The following ASIC2 variants were observed in gnomAD, a reference collection of about 807,000 sequenced individuals.
ASIC2 encodes acid sensing ion channel subunit 2, also known as acid-sensing ion channel 2.
In ASIC2, 25 loss-of-function variants were observed where a neutral mutation model predicts 57.3. That is an observed-to-expected ratio of 0.44 (90% CI 0.32 to 0.61). The LOEUF is 0.61. Among genes scored for constraint, ASIC2 ranks in the 20% least tolerant of loss-of-function variants. The pLI is 0.06. For synonymous variants in ASIC2, 319 were observed against 307.5 expected, an observed-to-expected ratio of 1.04 and a Z score of -0.39; for missense variants, 641 against 738.1, an observed-to-expected ratio of 0.87 and a Z score of 1.52.
intron 1 of ASIC2, among the ~76,000 whole-genome samples, chr17:33,481,530 G>T (rs928741575): frequency 3.4e-5 from 5 of 148,506 alleles, no homozygotes; most frequent in African/African-American, 1.2e-4. Flanking sequence ...ACAAGAAAGA[G>T]TCCACAAATC....
At chr17:33,360,008 G>T (rs1482384764) in intron 1 of ASIC2, among the ~76,000 whole-genome samples, 1 of 152,096 alleles carries the variant, frequency 6.6e-6, no homozygotes, top group African/African-American at 2.4e-5. Context: ...ACATAAAGCT[G>T]AACTTACTCC....
chr17:34,067,913 T>C (rs1419602675), intron 1 of ASIC2, among the ~76,000 whole-genome samples: 1 of 152,242 alleles, frequency 6.6e-6, no homozygotes, highest in Admixed American at 6.5e-5. Context: ...AATGAAATTA[T>C]CTTCAAGGAT....
At chr17:33,151,183 A>ACACG (rs1444625759) in intron 1 of ASIC2, among the ~76,000 whole-genome samples, 3 of 29,912 alleles carry the variant, frequency 1.0e-4, no homozygotes, top group African/African-American at 6.0e-4. Flanking sequence ...ACACACACGC[A>ACACG]CACACACACA....
At chr17:33,064,211 G>A (rs528799650) in intron 3 of ASIC2, among the ~76,000 whole-genome samples, 6 of 152,166 alleles carry the variant, frequency 3.9e-5, no homozygotes, top group South Asian at 2.1e-4. Context: ...GAGGAGCTGC[G>A]TTCCTTTGGA....
intron 1 of ASIC2, among the ~76,000 whole-genome samples, chr17:33,436,856 T>C (rs9893287): frequency 0.02 from 812 of 40,648 alleles, 12 homozygotes; most frequent in South Asian, 0.036. Context: ...CCAACTTCTT[T>C]TTTTTTTTTT....
intron 1 of ASIC2, among the ~76,000 whole-genome samples, chr17:33,806,924 A>G (rs1165864623): frequency 6.6e-6 from 1 of 152,226 alleles, no homozygotes; most frequent in African/African-American, 2.4e-5. Flanking sequence ...TGTCACCACC[A>G]TGATAAACAT....
At chr17:34,103,186 C>A (rs907560238) in intron 1 of ASIC2, among the ~76,000 whole-genome samples, 6 of 152,190 alleles carry the variant, frequency 3.9e-5, no homozygotes, top group Admixed American at 1.3e-4. Context: ...CATTTAGTCA[C>A]CCAGGTTGAA....
chr17:33,043,127 G>C (rs774494146), intron 3 of ASIC2, among the ~76,000 whole-genome samples: 1 of 152,074 alleles, frequency 6.6e-6, no homozygotes. Context: ...GGGTTTCACC[G>C]TGTTAGCCAG....
chr17:33,994,423 G>A (rs192410119), intron 1 of ASIC2, among the ~76,000 whole-genome samples: 5 of 152,238 alleles, frequency 3.3e-5, no homozygotes, highest in East Asian at 1.9e-4. Context: ...GTCACAGCAC[G>A]CTGTAGGGCC....
rs186214611 is a variant in ASIC2 at position 33,348,005 on chromosome 17, G to A, written c.556-235938C>T. Among the ~76,000 whole-genome samples, 277 of 152,292 alleles carry A rather than the reference G, an allele frequency of 1.8e-3. 9 individuals carry two copies. The highest frequency in any genetic ancestry group is 0.018 in the Admixed American group (275 of 15,290). On this transcript the variant is annotated intron_variant, in intron 1 of 9. Transcript: ENST00000359872. ...TAGTCCCAGCTACTTGGGAGGCTGA[G>A]GTAGAAGAATCGCTTGAACCCAGGA...
At chr17:33,056,589 G>A (rs2091999031) in intron 3 of ASIC2, among the ~76,000 whole-genome samples, 1 of 152,164 alleles carries the variant, frequency 6.6e-6, no homozygotes, top group Non-Finnish European at 1.5e-5. Flanking sequence ...GTAATGTGCT[G>A]GGTGTTCAGG....
chr17:33,273,548 G>A (rs1904588465), intron 1 of ASIC2, among the ~76,000 whole-genome samples: 1 of 152,150 alleles, frequency 6.6e-6, no homozygotes, highest in Non-Finnish European at 1.5e-5. Flanking sequence ...AACCACTGAA[G>A]GGGGTGGAGG....
At chr17:33,122,267 G>A (rs554050648) in intron 1 of ASIC2, among the ~76,000 whole-genome samples, 7 of 152,252 alleles carry the variant, frequency 4.6e-5, no homozygotes, top group South Asian at 2.1e-4. Context: ...GGGTGCTCAC[G>A]GTACAGCAGC....
chr17:33,892,703 A>C (rs941793980), intron 1 of ASIC2, among the ~76,000 whole-genome samples: 3 of 152,232 alleles, frequency 2.0e-5, no homozygotes, highest in African/African-American at 7.2e-5. Context: ...TGGCACACAG[A>C]AATCACATAG....
intron 1 of ASIC2, among the ~76,000 whole-genome samples, chr17:33,267,921 C>A (rs879084563): frequency 6.6e-6 from 1 of 152,194 alleles, no homozygotes; most frequent in Admixed American, 6.5e-5. Flanking sequence ...GAGCACCTAG[C>A]AGCTATTCTC....
At chr17:33,835,310 T>C (rs992532620) in intron 1 of ASIC2, among the ~76,000 whole-genome samples, 7 of 152,228 alleles carry the variant, frequency 4.6e-5, no homozygotes, top group African/African-American at 1.4e-4. Flanking sequence ...AAATCTGTTT[T>C]TCATCTCTTA....
intron 1 of ASIC2, among the ~76,000 whole-genome samples, chr17:33,148,728 AT>A (rs1477292558): frequency 6.6e-6 from 1 of 152,264 alleles, no homozygotes; most frequent in Non-Finnish European, 1.5e-5. Context: ...AGCTCACAGT[AT>A]TTTTTAATTA....
At position 33,651,195 on chromosome 17, in the gene ASIC2, C is replaced by T. The variant is rs117243181; in HGVS notation, c.555+504783G>A. 8.3e-4 allele frequency among the ~76,000 whole-genome samples: 127 copies of T among 152,162 alleles called. 1 individual carries two copies. The Middle Eastern group carries it at 0.037, about 45-fold the overall frequency. On this transcript the variant is annotated intron_variant, in intron 1 of 9. Transcript: ENST00000359872. ...GATCTGAGTAAAGTCTATAATCTAGCTAATTGTATTGGTCTGGTTAAGTGT... is the reference window on the plus strand; with the variant it reads ...GATCTGAGTAAAGTCTATAATCTAGTTAATTGTATTGGTCTGGTTAAGTGT...
At chr17:33,711,602 A>G (rs1297359374) in intron 1 of ASIC2, among the ~76,000 whole-genome samples, 2 of 152,202 alleles carry the variant, frequency 1.3e-5, no homozygotes, top group African/African-American at 4.8e-5. Context: ...TACATGGCTC[A>G]GGGGGCCTCA....
Sources: gnomAD v4.1 joint callset for allele counts (sites outside exome capture counted in the v4.1 genomes callset) on GRCh38, gnomAD v4.1.1 for gene constraint, MANE v1.5 for transcripts, NCBI Gene and HGNC (gene_info 2026-07-23, HGNC 2026-07-21) for gene names.